Variants in HDAC4 observed in about 807,000 individuals in gnomAD.
The protein encoded by HDAC4 is histone deacetylase A.
Under a neutral mutation model 135.1 loss-of-function variants are expected in HDAC4, and 16 were observed. The ratio of observed to expected loss-of-function variants is 0.12; its 90% CI spans 0.08 to 0.18. The LOEUF (loss-of-function observed/expected upper bound fraction) is 0.18. HDAC4 is among the 10% of genes least tolerant of loss of function. The probability of loss-of-function intolerance (pLI) is 1.00; values close to 1 mark genes in which losing one functional copy is unlikely to be tolerated. For synonymous variants in HDAC4, 685 were observed against 653.4 expected (o/e 1.05, Z -0.74); for missense variants, 1,143 against 1,511.8 (o/e 0.76, Z 4.05).
intron 1 of HDAC4, among the ~76,000 whole-genome samples, chr2:239,391,839 GCT>G (rs1559405123): frequency 2.0e-5 from 3 of 152,060 alleles, no homozygotes; most frequent in Non-Finnish European, 4.4e-5. Flanking sequence ...GCCCTCCGCA[GCT>G]CCCACGTGCC....
chr2:239,203,698 G>T (rs999642900), intron 3 of HDAC4, among the ~76,000 whole-genome samples: 2 of 152,300 alleles, frequency 1.3e-5, no homozygotes, highest in South Asian at 2.1e-4. Flanking sequence ...AGTCCAGTAG[G>T]GAAAGACTTC....
At chr2:239,239,815 C>A (rs1005973953) in intron 2 of HDAC4, among the ~76,000 whole-genome samples, 1 of 152,224 alleles carries the variant, frequency 6.6e-6, no homozygotes, top group African/African-American at 2.4e-5. Flanking sequence ...ATAGGAAGTG[C>A]CTGCCTCTCG....
In HDAC4 at chr2:239,134,234, T is replaced by C; in HGVS notation, c.1294+11A>G. On this transcript the variant is annotated intron_variant, in intron 11 of 26. Transcript: ENST00000543185. Reference sequence around the variant, plus strand: ...CAGAGCCTGGCTGCACCCAGGCCCATTTGTGCTCACCTGTGACGAGGGGTG... The same window carrying C: ...CAGAGCCTGGCTGCACCCAGGCCCACTTGTGCTCACCTGTGACGAGGGGTG... 1.9e-6 allele frequency: 3 copies of C among 1,605,674 alleles called. No individual in the cohort carries two copies. The highest frequency in any genetic ancestry group is 2.5e-6 in the Non-Finnish European group (3 of 1,177,576).
intron 7 of HDAC4, among the ~76,000 whole-genome samples, chr2:239,153,936 G>T (rs957258937): frequency 6.6e-6 from 1 of 152,214 alleles, no homozygotes; most frequent in Non-Finnish European, 1.5e-5. Context: ...ACAGTGTGCC[G>T]TCTCCCATGC....
At chr2:239,378,728 GAACCAATGACCCCAGC>G (rs1423651373) in intron 1 of HDAC4, among the ~76,000 whole-genome samples, 6 of 152,172 alleles carry the variant, frequency 3.9e-5, no homozygotes, top group South Asian at 2.1e-4. Context: ...ATAACCCCAG[GAACCAATGACCCCAGC>G]AACCAATGAC....
intron 2 of HDAC4, among the ~76,000 whole-genome samples, chr2:239,266,042 CAG>C (rs1460111055): frequency 6.6e-6 from 1 of 152,192 alleles, no homozygotes; most frequent in Admixed American, 6.5e-5. Context: ...GAGGGGGACA[CAG>C]AGCCCCTAAG....
At chr2:239,101,352 C>T (rs966618770) in intron 16 of HDAC4, among the ~76,000 whole-genome samples, 1 of 152,166 alleles carries the variant, frequency 6.6e-6, no homozygotes. Context: ...AAGGTGCCCT[C>T]GGCGAGTGGA....
chr2:239,242,908 T>C (rs2048268598), intron 2 of HDAC4, among the ~76,000 whole-genome samples: 1 of 152,228 alleles, frequency 6.6e-6, no homozygotes, highest in Non-Finnish European at 1.5e-5. Flanking sequence ...CCCTTCCATC[T>C]GATAACGTAG....
intron 3 of HDAC4, among the ~76,000 whole-genome samples, chr2:239,226,636 G>C (rs868523628): frequency 6.0e-5 from 9 of 151,194 alleles, no homozygotes; most frequent in African/African-American, 1.9e-4. Flanking sequence ...TCTTTGGGTC[G>C]ACAGCAACAA....
intron 2 of HDAC4, among the ~76,000 whole-genome samples, chr2:239,330,026 G>A (rs917073924): frequency 3.9e-5 from 6 of 152,336 alleles, no homozygotes; most frequent in South Asian, 4.1e-4. Context: ...CTGGCCCGAC[G>A]TGGCCCCTGC....
At chr2:239,243,245 C>T (rs1415225099) in intron 2 of HDAC4, among the ~76,000 whole-genome samples, 1 of 151,994 alleles carries the variant, frequency 6.6e-6, no homozygotes, top group African/African-American at 2.4e-5. Context: ...CTCCGCCTCC[C>T]AGGTTCACGC....
rs1396561180 is a variant in HDAC4 at position 239,384,323 on chromosome 2, G to T, written c.-220+16655C>A. On this transcript the variant is annotated intron_variant, in intron 1 of 26. Transcript: ENST00000543185. The stretch of plus-strand genomic sequence containing the variant: ...TCATATGGAAATGTTTAATGAAAAA[G>T]AAAACTGAGGCTAGGCATGGTGGCT... 2.6e-5 allele frequency among the ~76,000 whole-genome samples: 4 copies of T among 151,942 alleles called. No individual in the cohort carries two copies. The East Asian group carries it at 5.8e-4, about 22-fold the overall frequency.
At chr2:239,086,619 C>T (rs368000412) in intron 19 of HDAC4, among the ~76,000 whole-genome samples, 3 of 152,254 alleles carry the variant, frequency 2.0e-5, no homozygotes, top group African/African-American at 4.8e-5. Flanking sequence ...CCGGCCCCTC[C>T]GTGGACGCCT....
intron 1 of HDAC4, among the ~76,000 whole-genome samples, chr2:239,375,516 A>C (rs1237166523): frequency 6.6e-6 from 1 of 152,158 alleles, no homozygotes; most frequent in African/African-American, 2.4e-5. Flanking sequence ...CACCAGGGCA[A>C]CACCACTGAC....
intron 2 of HDAC4, among the ~76,000 whole-genome samples, chr2:239,323,900 T>C (rs1211610227): frequency 1.3e-5 from 2 of 152,182 alleles, no homozygotes; most frequent in Admixed American, 6.5e-5. Flanking sequence ...TCCATTGCTG[T>C]TGAAATATTT....
chr2:239,342,963 C>T (rs1208286216), intron 2 of HDAC4, among the ~76,000 whole-genome samples: 1 of 152,150 alleles, frequency 6.6e-6, no homozygotes, highest in African/African-American at 2.4e-5. Context: ...TTTATCTTTT[C>T]TATTTGTATT....
chr2:239,364,746 TGATCTGACTGGTCCATGCAGCTTGCAC>T, intron 1 of HDAC4, among the ~76,000 whole-genome samples: 1 of 152,242 alleles, frequency 6.6e-6, no homozygotes, highest in Non-Finnish European at 1.5e-5. Flanking sequence ...CAAATAATAC[TGATCTGACTGGTCCATGCAGCTTGCAC>T]GATCTTACCT....
intron 17 of HDAC4, 44 bp from the exon 18 acceptor site, chr2:239,090,160 C>A: frequency 5.8e-6 from 8 of 1,376,764 alleles, no homozygotes; most frequent in Non-Finnish European, 7.3e-6. Context: ...TCCCAGGCCA[C>A]CGTCATCACC....
At chr2:239,057,194 C>T (rs896130618) in intron 24 of HDAC4, among the ~76,000 whole-genome samples, 4 of 152,104 alleles carry the variant, frequency 2.6e-5, no homozygotes, top group Non-Finnish European at 4.4e-5. Context: ...AACTTGTACA[C>T]GATCTCTACA....
Sources: gnomAD v4.1 joint callset for allele counts (sites outside exome capture counted in the v4.1 genomes callset) on GRCh38, gnomAD v4.1.1 for gene constraint, MANE v1.5 for transcripts, NCBI Gene and HGNC (gene_info 2026-07-23, HGNC 2026-07-21) for gene names.